The following LDLRAD3 variants were observed in gnomAD, a reference collection of about 807,000 sequenced individuals.
LDLRAD3 encodes low density lipoprotein receptor class A domain containing 3.
A neutral mutation model predicts 29.4 loss-of-function variants in LDLRAD3; 20 were observed. That is an observed-to-expected ratio of 0.68 (90% CI 0.48 to 0.99). The LOEUF (loss-of-function observed/expected upper bound fraction) is 0.99. LDLRAD3 is among the 50% of genes least tolerant of loss of function. The probability of loss-of-function intolerance (pLI) is 0.00; values close to 1 mark genes in which losing one functional copy is unlikely to be tolerated. For missense variants in LDLRAD3, 420 were observed against 454.3 expected, an observed-to-expected ratio of 0.92 and a Z score of 0.69; for synonymous variants, 157 against 192.7, an observed-to-expected ratio of 0.81 and a Z score of 1.53.
chr11:36,035,616 T>A (rs1182101010), intron 1 of LDLRAD3, among the ~76,000 whole-genome samples: 3 of 152,158 alleles, frequency 2.0e-5, no homozygotes, highest in African/African-American at 7.2e-5. Context: ...TCCTGTTTCC[T>A]AGAGTGAAAT....
At chr11:35,959,443 T>C (rs1565124823) in intron 1 of LDLRAD3, among the ~76,000 whole-genome samples, 1 of 152,248 alleles carries the variant, frequency 6.6e-6, no homozygotes, top group East Asian at 1.9e-4. Flanking sequence ...CTTGAATGTT[T>C]ATTAAGCCTA....
chr11:36,192,577 G>T (rs778091769), intron 4 of LDLRAD3, among the ~76,000 whole-genome samples: 1 of 152,194 alleles, frequency 6.6e-6, no homozygotes, highest in Non-Finnish European at 1.5e-5. Flanking sequence ...TTATAATGCT[G>T]CCCTGCTCTT....
chr11:35,979,052 A>G (rs1479294627), intron 1 of LDLRAD3, among the ~76,000 whole-genome samples: 2 of 152,164 alleles, frequency 1.3e-5, no homozygotes, highest in East Asian at 1.9e-4. Flanking sequence ...CCACACATTG[A>G]ATAATGCTCC....
chr11:36,198,698 C>A (rs16928516), intron 4 of LDLRAD3, among the ~76,000 whole-genome samples: 1 of 152,010 alleles, frequency 6.6e-6, no homozygotes, highest in Admixed American at 6.5e-5. Flanking sequence ...GCAAGGCTAC[C>A]TCCTGGCACC....
chr11:36,057,448 C>T (rs1378656427), intron 2 of LDLRAD3, among the ~76,000 whole-genome samples: 2 of 152,206 alleles, frequency 1.3e-5, no homozygotes, highest in Non-Finnish European at 2.9e-5. Flanking sequence ...GGCTCTTGTT[C>T]CTTCTCCTTT....
intron 1 of LDLRAD3, among the ~76,000 whole-genome samples, chr11:35,950,503 G>A (rs1851117286): frequency 6.6e-6 from 1 of 152,110 alleles, no homozygotes; most frequent in South Asian, 2.1e-4. Flanking sequence ...GTCATACACA[G>A]TATATATGTG....
At chr11:35,996,768 C>A (rs1322027934) in intron 1 of LDLRAD3, among the ~76,000 whole-genome samples, 2 of 152,158 alleles carry the variant, frequency 1.3e-5, no homozygotes, top group African/African-American at 4.8e-5. Flanking sequence ...AAATATAAAT[C>A]ATAATGAGTA....
intron 2 of LDLRAD3, among the ~76,000 whole-genome samples, chr11:36,063,609 G>A (rs1284262816): frequency 6.6e-6 from 1 of 152,138 alleles, no homozygotes; most frequent in African/African-American, 2.4e-5. Context: ...ATGGAATATA[G>A]GAGTCCAGTT....
intron 4 of LDLRAD3, among the ~76,000 whole-genome samples, chr11:36,105,373 C>T (rs7928494): frequency 0.4 from 61,322 of 151,542 alleles, 12,889 homozygotes; most frequent in East Asian, 0.71. Context: ...GTGCCAGGCC[C>T]CTGGCTGCAT....
At chr11:36,167,803 C>T (rs1039035502) in intron 4 of LDLRAD3, among the ~76,000 whole-genome samples, 7 of 152,166 alleles carry the variant, frequency 4.6e-5, no homozygotes, top group Non-Finnish European at 4.4e-5. Context: ...GAAGCTAGCA[C>T]GGTATCTAAG....
intron 1 of LDLRAD3, among the ~76,000 whole-genome samples, chr11:35,996,132 T>G (rs747135148): frequency 3.9e-5 from 6 of 152,268 alleles, no homozygotes; most frequent in Admixed American, 6.5e-5. Context: ...CTGTCTTGGC[T>G]TTCGACATGC....
intron 4 of LDLRAD3, among the ~76,000 whole-genome samples, chr11:36,191,538 GTCTCTCTCTC>G (rs751965155): frequency 2.0e-4 from 11 of 55,686 alleles, no homozygotes; most frequent in South Asian, 2.2e-3. Flanking sequence ...GCAAGACCCT[GTCTCTCTCTC>G]TCTCTCTCTC....
At position 35,956,647 on chromosome 11, in the gene LDLRAD3, G is replaced by A. The variant is rs186129502; in HGVS notation, c.46+12503G>A. Among the ~76,000 whole-genome samples the A allele has an allele frequency of 4.4e-3, 673 of 152,276 alleles. 2 individuals are homozygous for A. Among genetic ancestry groups the A allele is most frequent in the African/African-American group, 0.012 (484 of 41,568 alleles). On this transcript the variant is annotated intron_variant, in intron 1 of 5. Transcript: ENST00000315571. ...AACTTTTTAAATCCATCACATCTTC[G>A]TCTGTTAATAGGTATAATAATGGTC...
intron 4 of LDLRAD3, among the ~76,000 whole-genome samples, chr11:36,159,309 A>G (rs1444901956): frequency 6.6e-6 from 1 of 151,612 alleles, no homozygotes; most frequent in Non-Finnish European, 1.5e-5. Context: ...CTATATAAAA[A>G]TTTTAAAAAA....
At chr11:36,183,194 GTTAACTT>G (rs1349381812) in intron 4 of LDLRAD3, among the ~76,000 whole-genome samples, 3 of 152,172 alleles carry the variant, frequency 2.0e-5, no homozygotes, top group Admixed American at 1.3e-4. Context: ...CACGGTGTTA[GTTAACTT>G]TTGGGAGACA....
At chr11:36,015,808 C>CG (rs1852015410) in intron 1 of LDLRAD3, among the ~76,000 whole-genome samples, 1 of 152,202 alleles carries the variant, frequency 6.6e-6, no homozygotes, top group Non-Finnish European at 1.5e-5. Flanking sequence ...GGATAACCCT[C>CG]CACCCACTTG....
At chr11:36,094,526 T>C (rs934114710) in intron 3 of LDLRAD3, among the ~76,000 whole-genome samples, 9 of 152,186 alleles carry the variant, frequency 5.9e-5, no homozygotes, top group African/African-American at 2.2e-4. Context: ...AAGTAAACAT[T>C]TGAGCCTTTT....
chr11:36,140,636 G>GT (rs1371327814), intron 4 of LDLRAD3, among the ~76,000 whole-genome samples: 2 of 151,970 alleles, frequency 1.3e-5, no homozygotes, highest in Non-Finnish European at 2.9e-5. Context: ...GCCCAGGCTG[G>GT]TCCTGAACTC....
At chr11:36,088,024 T>TA (rs1055744404) in intron 3 of LDLRAD3, among the ~76,000 whole-genome samples, 23 of 147,636 alleles carry the variant, frequency 1.6e-4, no homozygotes, top group Admixed American at 2.7e-4. Context: ...CAGCCAAATT[T>TA]AAAAAAAAAA....
Sources: allele counts gnomAD v4.1 joint callset (sites outside exome capture counted in the v4.1 genomes callset), GRCh38; gene constraint gnomAD v4.1.1; transcripts MANE v1.5; gene names NCBI Gene and HGNC (gene_info 2026-07-23, HGNC 2026-07-21).